Variants in MARCHF1 observed in about 807,000 individuals in gnomAD.
The protein encoded by MARCHF1 is membrane associated ring-CH-type finger 1.
MARCHF1 carries 40 observed loss-of-function variants against 54.2 expected under a neutral mutation model. The ratio of observed to expected loss-of-function variants is 0.74; its 90% confidence interval spans 0.57 to 0.96. The LOEUF (loss-of-function observed/expected upper bound fraction) is 0.96, where lower values mean the gene tolerates loss of function less well. Among genes scored for constraint, MARCHF1 ranks in the 40% least tolerant of loss-of-function variants. MARCHF1 has a pLI of 0.00. For synonymous variants in MARCHF1, 236 were observed against 236.3 expected, an observed-to-expected ratio of 1.00 and a Z score of 0.01; for missense variants, 586 against 656.5, an observed-to-expected ratio of 0.89 and a Z score of 1.17.
intron 3 of MARCHF1, among the ~76,000 whole-genome samples, chr4:163,873,071 A>G (rs925688216): frequency 1.4e-5 from 2 of 143,176 alleles, no homozygotes; most frequent in African/African-American, 5.4e-5. Context: ...ACAAACAAAA[A>G]AAAACAAACA....
Position 164,197,223 on chromosome 4 carries a change from C to T in MARCHF1, c.-322-85561G>A, listed in dbSNP as rs1731294816. 1.9e-6 allele frequency: 3 copies of T among 1,610,378 alleles called. No homozygotes were observed. The African/African-American group carries it at 4.0e-5, about 22-fold the overall frequency. ...CATGCTCACCCTCCTCCTCGTCATC[C>T]AGGCCCTCCACGTGGTCCTCAATAT... On this transcript the variant is annotated intron_variant, in intron 1 of 9. Coordinates refer to ENST00000514618, the MANE Select transcript of MARCHF1 (RefSeq NM_001394959.1).
chr4:163,893,704 T>C (rs1750714638), intron 3 of MARCHF1, among the ~76,000 whole-genome samples: 1 of 152,192 alleles, frequency 6.6e-6, no homozygotes, highest in Non-Finnish European at 1.5e-5. Context: ...CTTTGACACA[T>C]AGATGAAGCT....
Position 164,177,007 on chromosome 4 carries a change from T to C in MARCHF1, c.-322-65345A>G, listed in dbSNP as rs1208720754. On this transcript the variant is annotated intron_variant, in intron 1 of 9. Coordinates refer to ENST00000514618, the MANE Select transcript of MARCHF1 (RefSeq NM_001394959.1). ...ATATATATATATATATATATATATATATACAAATGATAGAATTAGGCATGT... is the reference window on the plus strand; with the variant it reads ...ATATATATATATATATATATATATACATACAAATGATAGAATTAGGCATGT... 5.6e-5 allele frequency among the ~76,000 whole-genome samples: 5 copies of C among 89,426 alleles called. 1 individual carries two copies. Among genetic ancestry groups the C allele is most frequent in the South Asian group, 7.3e-4 (2 of 2,728 alleles). 58.7% of individuals were successfully genotyped at this position (89,426 alleles called of 152,430 possible).
chr4:164,187,500 A>T (rs1731001716), intron 1 of MARCHF1, among the ~76,000 whole-genome samples: 1 of 152,012 alleles, frequency 6.6e-6, no homozygotes, highest in South Asian at 2.1e-4. Context: ...CCCCCATAGG[A>T]CCTGGGGGGA....
At chr4:164,096,580 A>AAAT (rs1488095551) in intron 2 of MARCHF1, among the ~76,000 whole-genome samples, 2 of 149,618 alleles carry the variant, frequency 1.3e-5, no homozygotes, top group Non-Finnish European at 3.0e-5. Context: ...TAAAAAAAAA[A>AAAT]TTTAAAAAGT....
chr4:163,726,191 T>C (rs1201951623), intron 4 of MARCHF1, among the ~76,000 whole-genome samples: 1 of 152,200 alleles, frequency 6.6e-6, no homozygotes, highest in Non-Finnish European at 1.5e-5. Context: ...CTTTGACAAA[T>C]GTATGATAAC....
At chr4:163,677,795 A>G (rs927756001) in intron 5 of MARCHF1, among the ~76,000 whole-genome samples, 8 of 152,218 alleles carry the variant, frequency 5.3e-5, no homozygotes, top group Non-Finnish European at 1.2e-4. Context: ...CACACACTAC[A>G]TGCCAACATA....
chr4:163,989,025 A>C (rs1579443485), intron 2 of MARCHF1: 1 of 151,720 alleles, frequency 6.6e-6, no homozygotes, highest in Non-Finnish European at 1.5e-5. Flanking sequence ...AATGGCACAG[A>C]CTCCCACATT....
chr4:164,294,138 C>A (rs1175953842), intron 1 of MARCHF1, among the ~76,000 whole-genome samples: 1 of 152,212 alleles, frequency 6.6e-6, no homozygotes, highest in Non-Finnish European at 1.5e-5. Context: ...GACTTACACA[C>A]CAGTGGTTTG....
chr4:163,709,198 C>T (rs1340254043), intron 4 of MARCHF1, among the ~76,000 whole-genome samples: 1 of 152,082 alleles, frequency 6.6e-6, no homozygotes, highest in African/African-American at 2.4e-5. Context: ...TACCTTTAGT[C>T]CTTAGCATGG....
chr4:164,262,407 G>A (rs1204366314), intron 1 of MARCHF1, among the ~76,000 whole-genome samples: 1 of 152,106 alleles, frequency 6.6e-6, no homozygotes, highest in Non-Finnish European at 1.5e-5. Flanking sequence ...TAGTAGAGAT[G>A]AGGTCATTGA....
rs1751718875 is a variant in MARCHF1, at chr4:163,933,203, C to A, written c.-39+55298G>T. 6.8e-6 allele frequency: 5 copies of A among 735,334 alleles called. No homozygotes were observed. The Admixed American group carries it at 9.2e-5, about 13-fold the overall frequency. 45.6% of individuals were successfully genotyped at this position (735,334 alleles called of 1,614,324 possible). A position where few individuals can be genotyped will look rare whatever the true frequency, so the allele number is the denominator to read the frequency against. Reference sequence around the variant, plus strand: ...CTTAGAGACAACCTAACACTATGGACCTCAGACAGTGCAGGAGAAGAATGT... The same window carrying A: ...CTTAGAGACAACCTAACACTATGGAACTCAGACAGTGCAGGAGAAGAATGT... On this transcript the variant is annotated intron_variant, in intron 3 of 9. Transcript: ENST00000514618.
At chr4:164,066,523 A>T (rs1560888053) in intron 2 of MARCHF1, among the ~76,000 whole-genome samples, 1 of 152,204 alleles carries the variant, frequency 6.6e-6, no homozygotes, top group Non-Finnish European at 1.5e-5. Flanking sequence ...CTGGGTATAT[A>T]CCCACAGGAA....
At chr4:163,555,830 T>C (rs1739266631) in intron 8 of MARCHF1, 1 of 402,678 alleles carries the variant, frequency 2.5e-6, no homozygotes, top group Non-Finnish European at 5.1e-6. Context: ...ATTTCTGTTG[T>C]GGGCTCTTCG....
At chr4:164,211,838 C>G (rs894644441) in intron 1 of MARCHF1, among the ~76,000 whole-genome samples, 2 of 151,904 alleles carry the variant, frequency 1.3e-5, no homozygotes, top group African/African-American at 4.8e-5. Flanking sequence ...TTGAAACTTA[C>G]AGTGATAGAG....
At chr4:163,928,047 T>A (rs1465296646) in intron 3 of MARCHF1, among the ~76,000 whole-genome samples, 2 of 151,868 alleles carry the variant, frequency 1.3e-5, no homozygotes, top group Non-Finnish European at 2.9e-5. Context: ...ATGGGGTATA[T>A]ATATAGTTTA....
intron 5 of MARCHF1, among the ~76,000 whole-genome samples, chr4:163,669,501 G>C (rs896962159): frequency 2.0e-5 from 3 of 152,132 alleles, no homozygotes; most frequent in Non-Finnish European, 4.4e-5. Flanking sequence ...GACTCTGAGA[G>C]GGCAGGTCCT....
At chr4:163,839,264 G>T (rs538227977) in intron 4 of MARCHF1, among the ~76,000 whole-genome samples, 1 of 151,772 alleles carries the variant, frequency 6.6e-6, no homozygotes, top group African/African-American at 2.4e-5. Context: ...TACATTCCTC[G>T]TGGAAATTTA....
intron 1 of MARCHF1, among the ~76,000 whole-genome samples, chr4:164,165,941 G>A (rs762335646): frequency 4.6e-5 from 7 of 151,978 alleles, no homozygotes; most frequent in Non-Finnish European, 8.8e-5. Context: ...TGCCATTTCA[G>A]TTGCTTTTTT....
Sources: allele counts gnomAD v4.1 joint callset (sites outside exome capture counted in the v4.1 genomes callset), GRCh38; gene constraint gnomAD v4.1.1; transcripts MANE v1.5; gene names NCBI Gene and HGNC (gene_info 2026-07-23, HGNC 2026-07-21).